The following FRMD3 variants were observed in gnomAD, a reference collection of about 807,000 sequenced individuals.
FRMD3 encodes the protein FERM domain containing 3.
A neutral mutation model predicts 70.2 loss-of-function variants in FRMD3; 33 were observed. The observed-to-expected ratio is 0.47, with a 90% CI of 0.36 to 0.63. The LOEUF is 0.63. FRMD3 is among the 20% of genes least tolerant of loss of function. The pLI, the probability that FRMD3 is intolerant of heterozygous loss-of-function variation, is 0.00. For synonymous variants in FRMD3, 279 were observed against 255.9 expected, an observed-to-expected ratio of 1.09 and a Z score of -0.86; for missense variants, 632 against 711.4, an observed-to-expected ratio of 0.89 and a Z score of 1.27.
At chr9:83,267,714 C>A (rs1833334841) in intron 13 of FRMD3, among the ~76,000 whole-genome samples, 1 of 152,066 alleles carries the variant, frequency 6.6e-6, no homozygotes, top group South Asian at 2.1e-4. Flanking sequence ...GTAATGATAT[C>A]AAAATTTATT....
intron 10 of FRMD3, among the ~76,000 whole-genome samples, chr9:83,300,680 AG>A (rs1325706833): frequency 2.6e-5 from 4 of 152,264 alleles, no homozygotes; most frequent in African/African-American, 9.6e-5. Context: ...GTACCCCAAA[AG>A]GTATTGAAAT....
At chr9:83,385,233 A>G (rs759707528) in intron 2 of FRMD3, among the ~76,000 whole-genome samples, 11 of 152,170 alleles carry the variant, frequency 7.2e-5, no homozygotes, top group Non-Finnish European at 1.3e-4. Flanking sequence ...CTTCTTCTAG[A>G]ATTACTTCTA....
chr9:83,423,697 A>G (rs879552999), intron 1 of FRMD3, among the ~76,000 whole-genome samples: 28 of 143,420 alleles, frequency 2.0e-4, no homozygotes, highest in Middle Eastern at 3.9e-3. Flanking sequence ...GCCAGGTTCA[A>G]GCGATTCTCC....
At chr9:83,293,488 G>A (rs554061647) in intron 12 of FRMD3, among the ~76,000 whole-genome samples, 3 of 152,120 alleles carry the variant, frequency 2.0e-5, no homozygotes, top group Admixed American at 6.5e-5. Context: ...ATGCTACAAC[G>A]ATGGGCCCTC....
intron 1 of FRMD3, among the ~76,000 whole-genome samples, chr9:83,474,402 T>C (rs1828345188): frequency 6.6e-6 from 1 of 152,172 alleles, no homozygotes; most frequent in Non-Finnish European, 1.5e-5. Flanking sequence ...ATTCACTAAT[T>C]GTCAAGTTTC....
At chr9:83,515,937 C>T (rs964720026) in intron 1 of FRMD3, among the ~76,000 whole-genome samples, 2 of 152,068 alleles carry the variant, frequency 1.3e-5, no homozygotes, top group African/African-American at 2.4e-5. Flanking sequence ...TTTGTCACCC[C>T]CAGGCCTGCC....
At chr9:83,584,149 C>A in the FRMD3 span, among the ~76,000 whole-genome samples, 1 of 152,082 alleles carries the variant, frequency 6.6e-6, no homozygotes, top group African/African-American at 2.4e-5. Context: ...TCTTGGCCAA[C>A]ATGGTGAAAC....
intron 2 of FRMD3, among the ~76,000 whole-genome samples, chr9:83,382,138 T>A (rs530095939): frequency 7.2e-5 from 11 of 152,366 alleles, no homozygotes; most frequent in Admixed American, 7.2e-4. Context: ...TTATGGAATT[T>A]TTTTCAAGCT....
chr9:83,552,300 G>A, the FRMD3 span, among the ~76,000 whole-genome samples: 1 of 151,994 alleles, frequency 6.6e-6, no homozygotes, highest in East Asian at 1.9e-4. Context: ...TTTTCATTGT[G>A]TTGATCTTTA....
intron 13 of FRMD3, among the ~76,000 whole-genome samples, chr9:83,265,395 T>TAAAAAAAA (rs59688591): frequency 1.3e-5 from 1 of 77,396 alleles, no homozygotes; most frequent in Non-Finnish European, 2.5e-5. Context: ...GCGAGACTCT[T>TAAAAAAAA]AAAAAAAAAA....
intron 6 of FRMD3, among the ~76,000 whole-genome samples, chr9:83,324,915 A>T (rs1453479254): frequency 6.6e-6 from 1 of 152,208 alleles, no homozygotes; most frequent in Non-Finnish European, 1.5e-5. Flanking sequence ...TGGTACCAAC[A>T]TCATCACCAA....
chr9:83,378,587 T>C (rs1231552307), intron 2 of FRMD3, among the ~76,000 whole-genome samples: 1 of 130,472 alleles, frequency 7.7e-6, no homozygotes, highest in Non-Finnish European at 1.6e-5. Context: ...AAAATTTATA[T>C]ATACAATATA....
chr9:83,494,865 GCGCA>G (rs1459810569), intron 1 of FRMD3, among the ~76,000 whole-genome samples: 3 of 121,468 alleles, frequency 2.5e-5, no homozygotes, highest in Admixed American at 1.6e-4. Flanking sequence ...GTGTGCGCGC[GCGCA>G]TGTGCGTGTG....
At chr9:83,541,789 G>T (rs575753256), upstream of FRMD3, among the ~76,000 whole-genome samples, 4 of 152,248 alleles carry the variant, frequency 2.6e-5, no homozygotes, top group African/African-American at 9.6e-5. Context: ...GATTTTGCTG[G>T]TGGCCAAGCA....
the FRMD3 span, among the ~76,000 whole-genome samples, chr9:83,562,401 C>T: frequency 6.6e-6 from 1 of 152,172 alleles, no homozygotes; most frequent in Non-Finnish European, 1.5e-5. Flanking sequence ...GCTATAGCAG[C>T]TGGAAGGACT....
At chr9:83,352,254 T>C (rs1054549916) in intron 3 of FRMD3, among the ~76,000 whole-genome samples, 3 of 152,300 alleles carry the variant, frequency 2.0e-5, no homozygotes, top group East Asian at 1.9e-4. Flanking sequence ...TCAATAGGTA[T>C]GGGAAAATGT....
rs755462939 is a variant in FRMD3, at chr9:83,247,213, A to T, written c.*705T>A. 1.1e-4 allele frequency: 106 copies of T among 985,220 alleles called. No individual in the cohort carries two copies. The highest frequency in any genetic ancestry group is 1.2e-4 in the Non-Finnish European group (101 of 829,890). The allele number at this position is 985,220 out of a possible 1,614,324, so 61.0% of individuals were successfully genotyped here. On this transcript the variant is annotated 3_prime_UTR_variant, in exon 14 of 14. Transcript: ENST00000304195. Reference sequence around the variant, plus strand: ...TCTGTTTTAGCAGCTTACTTACTATAGTGTCTTTCTACCCATTTTCTATCT... The same window carrying T: ...TCTGTTTTAGCAGCTTACTTACTATTGTGTCTTTCTACCCATTTTCTATCT...
At chr9:83,507,736 A>ATATATCTATCTATC (rs1554713917) in intron 1 of FRMD3, among the ~76,000 whole-genome samples, 68 of 88,700 alleles carry the variant, frequency 7.7e-4, no homozygotes, top group South Asian at 2.5e-3. Flanking sequence ...ATATATATAT[A>ATATATCTATCTATC]TATCTTCTGG....
rs956315776 is a variant in FRMD3 at position 83,248,494 on chromosome 9, C to T, written c.1218G>A (p.Glu406=). ...TGGAGATCAAGGGAGCAGAAATGTT[C>T]TCCTCTTTAGGCAATGGAACACCTG... ...LGEGVPLPKE[E]NISAPLISSS... is the part of the protein sequence containing the mutation. The change falls in exon 14 of 14, where the codon GAG becomes GAA. Residue 406 remains glutamate, a synonymous_variant. Transcript: ENST00000304195. 1.2e-6 allele frequency: 2 copies of T among 1,610,772 alleles called. No individual in the cohort carries two copies. The highest frequency in any genetic ancestry group is 2.7e-5 in the African/African-American group (2 of 74,958).
Sources: gnomAD v4.1 joint callset for allele counts (sites outside exome capture counted in the v4.1 genomes callset) on GRCh38, gnomAD v4.1.1 for gene constraint, MANE v1.5 for transcripts, NCBI Gene and HGNC (gene_info 2026-07-23, HGNC 2026-07-21) for gene names.